Variants in SOX6 observed in about 807,000 individuals in gnomAD.
SOX6 encodes the protein transcription factor SOX-6.
SOX6 carries 11 observed loss-of-function variants against 97.8 expected under a neutral mutation model. The observed-to-expected ratio is 0.11, with a 90% CI of 0.07 to 0.19. The LOEUF (loss-of-function observed/expected upper bound fraction) is 0.19, where lower values mean the gene tolerates loss of function less well. Ranked by LOEUF, SOX6 falls within the 10% of genes least tolerant of loss-of-function variation. The pLI, the probability that SOX6 is intolerant of heterozygous loss-of-function variation, is 1.00. For synonymous variants in SOX6, 360 were observed against 371.4 expected, an observed-to-expected ratio of 0.97 and a Z score of 0.35; for missense variants, 810 against 1,039.5, an observed-to-expected ratio of 0.78 and a Z score of 3.04.
intron 6 of SOX6, among the ~76,000 whole-genome samples, chr11:16,124,578 G>C (rs1849564785): frequency 6.6e-6 from 1 of 152,034 alleles, no homozygotes; most frequent in African/African-American, 2.4e-5. Context: ...CACAGAGCTA[G>C]AAGAGAGAAA....
chr11:16,732,670 A>G (rs1848359617), intron 2 of SOX6, among the ~76,000 whole-genome samples: 1 of 152,110 alleles, frequency 6.6e-6, no homozygotes, highest in Admixed American at 6.6e-5. Flanking sequence ...ACAGAACATA[A>G]GCACAGGCAA....
At chr11:16,615,492 G>A (rs2133985374) in intron 3 of SOX6, among the ~76,000 whole-genome samples, 1 of 152,232 alleles carries the variant, frequency 6.6e-6, no homozygotes, top group South Asian at 2.1e-4. Flanking sequence ...TGCAGTCAGG[G>A]ACCAATTCCA....
At chr11:16,366,711 T>A (rs1857367835) in intron 1 of SOX6, among the ~76,000 whole-genome samples, 1 of 152,178 alleles carries the variant, frequency 6.6e-6, no homozygotes, top group African/African-American at 2.4e-5. Context: ...AACCACTGTT[T>A]AACACTGAAG....
intron 1 of SOX6, among the ~76,000 whole-genome samples, chr11:16,348,045 G>A (rs986158366): frequency 3.2e-4 from 48 of 152,026 alleles, no homozygotes; most frequent in African/African-American, 1.0e-3. Context: ...AGTAGAAAGG[G>A]AGGGGAAGAG....
chr11:16,358,533 G>C (rs975712230), upstream of SOX6, among the ~76,000 whole-genome samples: 1 of 152,054 alleles, frequency 6.6e-6, no homozygotes, highest in African/African-American at 2.4e-5. Context: ...ATCGATTCAT[G>C]TGGCAGAGCA....
intron 1 of SOX6, among the ~76,000 whole-genome samples, chr11:16,412,669 GA>G (rs1858845756): frequency 6.6e-6 from 1 of 152,216 alleles, no homozygotes; most frequent in Admixed American, 6.5e-5. Context: ...TCACTTAATT[GA>G]AAAGTCCTGC....
chr11:16,505,290 C>A (rs954050636), intron 4 of SOX6, among the ~76,000 whole-genome samples: 1 of 152,266 alleles, frequency 6.6e-6, no homozygotes, highest in Non-Finnish European at 1.5e-5. Context: ...TCTTGCTATG[C>A]TTTAGCAAAG....
intron 1 of SOX6, among the ~76,000 whole-genome samples, chr11:16,384,157 G>A (rs1446170509): frequency 6.6e-6 from 1 of 151,814 alleles, no homozygotes; most frequent in Non-Finnish European, 1.5e-5. Context: ...AACTATCTCT[G>A]AAAATGAAAT....
chr11:16,445,004 T>C (rs1165875603), intron 1 of SOX6, among the ~76,000 whole-genome samples: 4 of 152,176 alleles, frequency 2.6e-5, no homozygotes, highest in Admixed American at 2.6e-4. Context: ...TGCTCAATTT[T>C]TTTCTGTACT....
chr11:15,972,712 A>G lies in SOX6; in HGVS notation c.*97T>C. 2.3e-6 allele frequency: 3 copies of G among 1,292,602 alleles called. No individual in the cohort carries two copies. The highest frequency in any genetic ancestry group is 3.4e-6 in the Non-Finnish European group (3 of 893,706). 80.1% of individuals were successfully genotyped at this position (1,292,602 alleles called of 1,614,324 possible). On this transcript the variant is annotated 3_prime_UTR_variant, in exon 16 of 16. Transcript: ENST00000683767. ...CAATTAAGACCATTCTGCTGATGTA[A>G]TTGTGGAGCCACAAATGCATGCGGG... is the stretch of plus-strand genomic sequence containing the variant.
At chr11:16,393,403 T>G (rs903586942) in intron 1 of SOX6, among the ~76,000 whole-genome samples, 1 of 136,592 alleles carries the variant, frequency 7.3e-6, no homozygotes, top group African/African-American at 2.7e-5. Flanking sequence ...TGGCATTTGT[T>G]TTCAAAAAAA....
chr11:16,491,827 G>A (rs1486888021), intron 4 of SOX6, among the ~76,000 whole-genome samples: 2 of 152,106 alleles, frequency 1.3e-5, no homozygotes, highest in African/African-American at 4.8e-5. Flanking sequence ...ATCATACAAT[G>A]CAAAGATCAG....
chr11:16,381,039 T>G (rs952857460), intron 1 of SOX6, among the ~76,000 whole-genome samples: 3 of 152,024 alleles, frequency 2.0e-5, no homozygotes, highest in Non-Finnish European at 4.4e-5. Context: ...TTTATAATTA[T>G]AGAAAAAATT....
chr11:16,250,688 A>G (rs148027186), intron 3 of SOX6, among the ~76,000 whole-genome samples: 1 of 152,158 alleles, frequency 6.6e-6, no homozygotes, highest in East Asian at 1.9e-4. Context: ...AAAACCAATA[A>G]CATAAACCAA....
chr11:16,516,733 G>A lies in SOX6; in HGVS notation n.610-40345C>T, dbSNP rs1391003452. Among the ~76,000 whole-genome samples the A allele has an allele frequency of 2.0e-3, 296 of 148,454 alleles. 2 individuals carry two copies. Among genetic ancestry groups the A allele is most frequent in the African/African-American group, 5.6e-3 (224 of 40,318 alleles). On this transcript the variant is annotated intron_variant and non_coding_transcript_variant, in intron 4 of 5. Coordinates refer to the SOX6 transcript ENST00000524520. ...TCCAGGACCAGATGGATTCACAGCC[G>A]AATTCTACCAGAGGTACAAGGAGGA...
intron 4 of SOX6, among the ~76,000 whole-genome samples, chr11:16,215,695 G>A (rs984739131): frequency 6.6e-6 from 1 of 151,944 alleles, no homozygotes; most frequent in African/African-American, 2.4e-5. Flanking sequence ...CCTCAAACCT[G>A]AAAAATTTAA....
chr11:16,532,706 T>G (rs974992558), intron 4 of SOX6, among the ~76,000 whole-genome samples: 7 of 152,014 alleles, frequency 4.6e-5, no homozygotes, highest in South Asian at 4.1e-4. Context: ...AAATGCAGTC[T>G]AAATATCAAC....
At chr11:16,530,964 A>G (rs1209106284) in intron 4 of SOX6, among the ~76,000 whole-genome samples, 1 of 147,976 alleles carries the variant, frequency 6.8e-6, no homozygotes, top group Non-Finnish European at 1.5e-5. Flanking sequence ...TTATATATAG[A>G]ATGTAAATAT....
At chr11:16,668,681 C>T (rs2134023031) in intron 3 of SOX6, among the ~76,000 whole-genome samples, 1 of 152,230 alleles carries the variant, frequency 6.6e-6, no homozygotes, top group Admixed American at 6.5e-5. Flanking sequence ...CCTATAAAAA[C>T]ACACATAGAC....
Sources: allele counts gnomAD v4.1 joint callset (sites outside exome capture counted in the v4.1 genomes callset), GRCh38; gene constraint gnomAD v4.1.1; transcripts MANE v1.5; gene names NCBI Gene and HGNC (gene_info 2026-07-23, HGNC 2026-07-21).